The following TRIM9 variants were observed in gnomAD, a reference collection of about 807,000 sequenced individuals.
TRIM9 encodes E3 ubiquitin-protein ligase TRIM9.
In TRIM9, 26 loss-of-function variants were observed where a neutral mutation model predicts 78.3. The observed-to-expected ratio is 0.33, with a 90% CI of 0.24 to 0.46. The LOEUF (loss-of-function observed/expected upper bound fraction) is 0.46. TRIM9 is among the 20% of genes least tolerant of loss of function. The probability of loss-of-function intolerance (pLI) is 1.00; values close to 1 mark genes in which losing one functional copy is unlikely to be tolerated. For synonymous variants in TRIM9, 398 were observed against 416.5 expected, an observed-to-expected ratio of 0.96 and a Z score of 0.54; for missense variants, 787 against 1,036.4, an observed-to-expected ratio of 0.76 and a Z score of 3.30.
chr14:51,014,266 G>A lies in TRIM9; in HGVS notation c.1042-3772C>T, dbSNP rs115769666. Among the ~76,000 whole-genome samples, 1,008 of 152,168 alleles carry A rather than the reference G, an allele frequency of 6.6e-3. 13 individuals are homozygous for A. Among genetic ancestry groups the A allele is most frequent in the African/African-American group, 0.023 (965 of 41,500 alleles). On this transcript the variant is annotated intron_variant, in intron 3 of 12. Transcript: ENST00000684578. The stretch of plus-strand genomic sequence containing the variant: ...TGCTGAAGGAGCTATCTGAGTGCTG[G>A]GGCTCTCTGCTGACTCTTAAGAAGC...
chr14:51,090,187 C>T (rs2064171157), intron 1 of TRIM9, among the ~76,000 whole-genome samples: 1 of 152,228 alleles, frequency 6.6e-6, no homozygotes, highest in East Asian at 1.9e-4. Context: ...TCTAATTGTA[C>T]TAGAAGTAAA....
At chr14:51,015,505 C>CTTTTTTTTTTTTTTTCTTTTTTT (rs2057078129) in intron 3 of TRIM9, among the ~76,000 whole-genome samples, 1 of 61,330 alleles carries the variant, frequency 1.6e-5, no homozygotes, top group African/African-American at 6.8e-5. Flanking sequence ...CTTTACTTTT[C>CTTTTTTTTTTTTTTTCTTTTTTT]TTTTTTTTTT....
At chr14:51,042,554 G>A (rs1452797281) in intron 1 of TRIM9, among the ~76,000 whole-genome samples, 2 of 152,158 alleles carry the variant, frequency 1.3e-5, no homozygotes, top group East Asian at 3.8e-4. Flanking sequence ...GAGAAGAGAG[G>A]GAACAGTTTT....
chr14:51,093,513 C>T (rs764309582), intron 1 of TRIM9, among the ~76,000 whole-genome samples: 2 of 152,256 alleles, frequency 1.3e-5, no homozygotes, highest in South Asian at 2.1e-4. Context: ...GCCCTCTCCG[C>T]TCTGTCTTTT....
intron 4 of TRIM9, among the ~76,000 whole-genome samples, chr14:51,009,829 G>A (rs1006268071): frequency 2.6e-5 from 4 of 152,162 alleles, no homozygotes; most frequent in African/African-American, 9.7e-5. Flanking sequence ...CTTAACAAAA[G>A]GTTCCTTATC....
Position 51,049,554 on chromosome 14 carries a change from G to A in TRIM9, c.823-24194C>T, listed in dbSNP as rs138862415. Among the ~76,000 whole-genome samples the A allele has an allele frequency of 3.8e-3, 576 of 152,208 alleles. 3 individuals are homozygous for A. The highest frequency in any genetic ancestry group is 0.026 in the South Asian group (125 of 4,828). On this transcript the variant is annotated intron_variant, in intron 1 of 12. Transcript: ENST00000684578. Reference sequence around the variant, plus strand: ...TAATAATATATAATATAGGCCGGGCGCAGTGGCTCATGCCTGTAATCCCAG... The same window carrying A: ...TAATAATATATAATATAGGCCGGGCACAGTGGCTCATGCCTGTAATCCCAG...
At chr14:50,979,181 C>A (rs1396955580) in intron 12 of TRIM9, 4 of 1,441,040 alleles carry the variant, frequency 2.8e-6, no homozygotes, top group African/African-American at 2.9e-5. Flanking sequence ...AACTAGTCTG[C>A]GTCCAAGTAT....
chr14:51,020,651 A>T (rs1316285123), intron 3 of TRIM9, among the ~76,000 whole-genome samples: 4 of 152,246 alleles, frequency 2.6e-5, no homozygotes. Flanking sequence ...CGTGAAAGCC[A>T]TTCCTGGGCA....
chr14:51,018,194 CT>C (rs993733051), intron 3 of TRIM9, among the ~76,000 whole-genome samples: 5 of 151,028 alleles, frequency 3.3e-5, no homozygotes, highest in Admixed American at 6.6e-5. Flanking sequence ...GAATTAGTTG[CT>C]TTTTTTTTCT....
chr14:50,980,659 G>GT (rs2051751627), intron 11 of TRIM9, among the ~76,000 whole-genome samples: 1 of 152,244 alleles, frequency 6.6e-6, no homozygotes, highest in Non-Finnish European at 1.5e-5. Flanking sequence ...AAGGGAAAAA[G>GT]TAAGTGTGGC....
At chr14:51,047,733 C>T (rs2060058123) in intron 1 of TRIM9, among the ~76,000 whole-genome samples, 4 of 152,084 alleles carry the variant, frequency 2.6e-5, no homozygotes. Context: ...TGAAGAGGTG[C>T]CAACCCAATG....
intron 3 of TRIM9, among the ~76,000 whole-genome samples, chr14:51,021,443 T>C (rs1166733853): frequency 1.3e-5 from 2 of 152,152 alleles, no homozygotes; most frequent in African/African-American, 4.8e-5. Context: ...TGGGCACCTC[T>C]CTCCTGGAAG....
chr14:51,094,737 A>T lies in TRIM9; in HGVS notation c.203T>A (p.Met68Lys). The change falls in exon 1 of 13, where the codon ATG becomes AAG. Residue 68 changes from methionine (M) to lysine (K), a missense_variant. Around this residue, in one of 3 missense-constraint regions of TRIM9, gnomAD observed 352 missense variants for 472.3 expected, o/e 0.75. Coordinates refer to ENST00000684578, the MANE Select transcript of TRIM9 (RefSeq NM_001387360.1). Reference sequence around the variant, plus strand: ...GCTGTCCGCCTCGCTGTATAGGCTCATCTTGTCCAGGTCCAGATAGTCATA... The same window carrying T: ...GCTGTCCGCCTCGCTGTATAGGCTCTTCTTGTCCAGGTCCAGATAGTCATA... ...SDYDYLDLDK[M>K]SLYSEADSGY... 6.5e-7 allele frequency: 1 copy of T among 1,543,166 alleles called. No individual in the cohort carries two copies.
At chr14:51,065,468 C>A (rs2061658134) in intron 1 of TRIM9, among the ~76,000 whole-genome samples, 1 of 152,140 alleles carries the variant, frequency 6.6e-6, no homozygotes, top group South Asian at 2.1e-4. Context: ...ATCTTCCAGC[C>A]AAAATCTAGC....
intron 2 of TRIM9, among the ~76,000 whole-genome samples, chr14:51,024,298 T>C (rs772338230): frequency 1.8e-4 from 27 of 152,150 alleles, no homozygotes; most frequent in Admixed American, 1.2e-3. Flanking sequence ...ATAAACTCCA[T>C]TGCTTTGGAA....
At chr14:51,010,836 C>T (rs982270626) in intron 3 of TRIM9, among the ~76,000 whole-genome samples, 3 of 152,102 alleles carry the variant, frequency 2.0e-5, no homozygotes, top group African/African-American at 7.2e-5. Flanking sequence ...GCGATGTTTG[C>T]TGGGGGGTCT....
At chr14:51,026,026 G>T (rs1400015412) in intron 1 of TRIM9, among the ~76,000 whole-genome samples, 2 of 152,248 alleles carry the variant, frequency 1.3e-5, no homozygotes, top group Non-Finnish European at 2.9e-5. Flanking sequence ...AGTTCTGCTG[G>T]GTTGGCAAGG....
At chr14:50,998,278 G>A in intron 6 of TRIM9, 90 bp from the exon 7 acceptor site, 3 of 1,235,798 alleles carry the variant, frequency 2.4e-6, no homozygotes, top group East Asian at 4.7e-5. Flanking sequence ...AGGAGCAAGA[G>A]CCCTGGTGTC....
intron 5 of TRIM9, among the ~76,000 whole-genome samples, chr14:51,007,112 C>T (rs1275125928): frequency 6.6e-6 from 1 of 152,096 alleles, no homozygotes; most frequent in Non-Finnish European, 1.5e-5. Context: ...AGGCTTTTAC[C>T]CTCTAACTGC....
Sources: gnomAD v4.1 joint callset for allele counts (sites outside exome capture counted in the v4.1 genomes callset) on GRCh38, gnomAD v4.1.1 for gene constraint, gnomAD v4.1.1 regional missense constraint, MANE v1.5 for transcripts, NCBI Gene and HGNC (gene_info 2026-07-23, HGNC 2026-07-21) for gene names.